The following NNT variants were observed in gnomAD, a reference collection of about 807,000 sequenced individuals.
The protein encoded by NNT is NAD(P) transhydrogenase, mitochondrial.
Under a neutral mutation model 104.8 loss-of-function variants are expected in NNT, and 50 were observed. The ratio of observed to expected loss-of-function variants is 0.48; its 90% CI spans 0.38 to 0.60. NNT has a LOEUF of 0.60. NNT is among the 20% of genes least tolerant of loss of function. The probability of loss-of-function intolerance (pLI) is 0.00; values close to 1 mark genes in which losing one functional copy is unlikely to be tolerated. For synonymous variants in NNT, 461 were observed against 490.4 expected (o/e 0.94, Z 0.79); for missense variants, 1,131 against 1,330.7 (o/e 0.85, Z 2.33).
intron 14 of NNT, among the ~76,000 whole-genome samples, chr5:43,655,139 G>A (rs72760479): frequency 0.017 from 2,539 of 152,244 alleles, 31 homozygotes; most frequent in Middle Eastern, 0.061. Flanking sequence ...TCAGGAGAAA[G>A]CACTGGCTAT....
intron 18 of NNT, among the ~76,000 whole-genome samples, chr5:43,676,532 A>G (rs1462857262): frequency 6.6e-6 from 1 of 152,204 alleles, no homozygotes; most frequent in African/African-American, 2.4e-5. Context: ...TGGTTGTCCA[A>G]AGATGGGAAT....
intron 7 of NNT, among the ~76,000 whole-genome samples, chr5:43,639,129 T>A (rs1277892784): frequency 6.6e-6 from 1 of 152,144 alleles, no homozygotes; most frequent in Non-Finnish European, 1.5e-5. Context: ...GTTAAAGCCA[T>A]TTTTAGAAAT....
At chr5:43,648,159 GA>G in intron 10 of NNT, 1 of 1,114,408 alleles carries the variant, frequency 9.0e-7, no homozygotes, top group Non-Finnish European at 1.1e-6. Context: ...CTATGCACTG[GA>G]ACTTTGGATA....
intron 17 of NNT, among the ~76,000 whole-genome samples, chr5:43,659,592 G>A (rs1740246382): frequency 6.6e-6 from 1 of 152,114 alleles, no homozygotes; most frequent in African/African-American, 2.4e-5. Context: ...AGCCAGGCGT[G>A]GTGGTGGGTG....
chr5:43,620,663 C>T (rs895397424), intron 5 of NNT, among the ~76,000 whole-genome samples: 5 of 152,152 alleles, frequency 3.3e-5, no homozygotes, highest in African/African-American at 4.8e-5. Context: ...AAAAAAATGG[C>T]AGGCTGTTTA....
At chr5:43,675,466 A>G in intron 17 of NNT, 45 bp from the exon 18 acceptor site, 2 of 1,547,576 alleles carry the variant, frequency 1.3e-6, no homozygotes, top group Non-Finnish European at 1.8e-6. Context: ...ATTCTCACAA[A>G]GTTATGTGTG....
intron 21 of NNT, among the ~76,000 whole-genome samples, chr5:43,703,568 A>G (rs1226546443): frequency 6.6e-6 from 1 of 152,188 alleles, no homozygotes; most frequent in African/African-American, 2.4e-5. Context: ...GTTTTTTAAT[A>G]GATTACATGT....
intron 19 of NNT, among the ~76,000 whole-genome samples, chr5:43,695,111 C>G (rs1742491040): frequency 6.6e-6 from 1 of 152,150 alleles, no homozygotes; most frequent in African/African-American, 2.4e-5. Context: ...AAAAGAATAT[C>G]TGTCATTTGA....
Position 43,707,065 on chromosome 5 carries a change from CA to C in NNT, c.*2662del, listed in dbSNP as rs1743113418. On this transcript the variant is annotated 3_prime_UTR_variant, in exon 22 of 22. Transcript: ENST00000344920. The stretch of plus-strand genomic sequence containing the variant: ...AGCACACCAACATGGCACATGTATA[CA>C]TATGTAGCAAACCTGCACGTTGTGC... 6.6e-6 allele frequency: 1 copy of C among 151,614 alleles called. No individual in the cohort carries two copies. Among genetic ancestry groups the C allele is most frequent in the Non-Finnish European group, 1.5e-5 (1 of 67,992 alleles). 9.4% of individuals were successfully genotyped at this position (151,614 alleles called of 1,614,324 possible).
chr5:43,614,199 T>G (rs1749654831), intron 3 of NNT, among the ~76,000 whole-genome samples: 1 of 152,230 alleles, frequency 6.6e-6, no homozygotes, highest in Admixed American at 6.5e-5. Flanking sequence ...TGCTTACATT[T>G]TGGAAGTGCT....
chr5:43,679,118 C>G (rs1741571880), intron 19 of NNT, among the ~76,000 whole-genome samples: 1 of 152,052 alleles, frequency 6.6e-6, no homozygotes, highest in South Asian at 2.1e-4. Context: ...TTTTTAGTTA[C>G]TTATTCCAAT....
intron 16 of NNT, 146 bp from the exon 17 acceptor site, chr5:43,659,025 G>C (rs1740208873): frequency 5.8e-6 from 4 of 692,252 alleles, no homozygotes; most frequent in Non-Finnish European, 9.0e-6. Context: ...GTGTTGGTCA[G>C]ATGGGAGACA....
chr5:43,672,873 C>T (rs542938247), intron 17 of NNT, among the ~76,000 whole-genome samples: 2 of 152,354 alleles, frequency 1.3e-5, no homozygotes, highest in South Asian at 2.1e-4. Flanking sequence ...CTATGCCCTG[C>T]CCCCAGAGGT....
intron 17 of NNT, among the ~76,000 whole-genome samples, chr5:43,671,411 G>A (rs957271471): frequency 6.6e-6 from 1 of 152,226 alleles, no homozygotes; most frequent in Non-Finnish European, 1.5e-5. Flanking sequence ...TGTTTTTGCA[G>A]TAGCTGGTAC....
intron 14 of NNT, among the ~76,000 whole-genome samples, chr5:43,653,882 G>A (rs1739901378): frequency 6.6e-6 from 1 of 151,828 alleles, no homozygotes; most frequent in Non-Finnish European, 1.5e-5. Flanking sequence ...TTGAACCTGG[G>A]ATGTGGAGGT....
chr5:43,614,659 C>T (rs1018306098), intron 3 of NNT, among the ~76,000 whole-genome samples: 1 of 152,044 alleles, frequency 6.6e-6, no homozygotes, highest in Admixed American at 6.6e-5. Context: ...ACTTATTGAC[C>T]CAATGTTTGT....
intron 2 of NNT, among the ~76,000 whole-genome samples, chr5:43,612,106 C>T (rs1228736456): frequency 1.3e-5 from 2 of 152,122 alleles, no homozygotes; most frequent in Admixed American, 1.3e-4. Context: ...ACTGATGTTT[C>T]TATCACTGTT....
intron 10 of NNT, chr5:43,647,911 T>G (rs1223503964): frequency 2.2e-6 from 1 of 458,518 alleles, no homozygotes; most frequent in East Asian, 6.9e-5. Flanking sequence ...TATATTATTA[T>G]TTTCTCTTCC....
intron 7 of NNT, among the ~76,000 whole-genome samples, chr5:43,641,636 T>C (rs1278435940): frequency 6.6e-6 from 1 of 152,150 alleles, no homozygotes. Context: ...TAAACTGACA[T>C]ACTATTTTGT....
Sources: allele counts gnomAD v4.1 joint callset (sites outside exome capture counted in the v4.1 genomes callset), GRCh38; gene constraint gnomAD v4.1.1; transcripts MANE v1.5; gene names NCBI Gene and HGNC (gene_info 2026-07-23, HGNC 2026-07-21).